Variants in MCC observed in about 807,000 individuals in gnomAD.
The protein encoded by MCC is colorectal mutant cancer protein.
A neutral mutation model predicts 116.2 loss-of-function variants in MCC; 90 were observed. That is an observed-to-expected ratio of 0.77 (90% CI 0.65 to 0.92). The LOEUF is 0.92. Ranked by LOEUF, MCC falls within the 40% of genes least tolerant of loss-of-function variation. The pLI is 0.00. For missense variants in MCC, 1,516 were observed against 1,312.2 expected, an observed-to-expected ratio of 1.16 and a Z score of -2.40; for synonymous variants, 578 against 510.5, an observed-to-expected ratio of 1.13 and a Z score of -1.78.
chr5:113,153,868 T>C (rs934589147), intron 3 of MCC, among the ~76,000 whole-genome samples: 8 of 152,238 alleles, frequency 5.3e-5, no homozygotes, highest in Non-Finnish European at 1.0e-4. Flanking sequence ...GGTTAGGATC[T>C]GGAATCCAGA....
At chr5:113,276,982 T>C (rs1378246527) in intron 3 of MCC, among the ~76,000 whole-genome samples, 1 of 151,416 alleles carries the variant, frequency 6.6e-6, no homozygotes, top group African/African-American at 2.4e-5. Flanking sequence ...CAAGGAAAAC[T>C]TGAAAAAAAT....
chr5:113,039,830 G>A (rs1286331020), intron 17 of MCC, among the ~76,000 whole-genome samples: 1 of 151,786 alleles, frequency 6.6e-6, no homozygotes, highest in African/African-American at 2.4e-5. Flanking sequence ...GGGTCCCGAG[G>A]GCGGGCTGCA....
chr5:113,032,238 C>T lies in MCC; in HGVS notation c.2757-3182G>A, dbSNP rs987715982. ...CCAGCCTGACCAACATGGAGAAACC[C>T]TGTCTCTACTAAATACAAAATTAGC... On this transcript the variant is annotated intron_variant, in intron 17 of 18. Coordinates refer to ENST00000408903, the MANE Select transcript of MCC (RefSeq NM_001085377.2). Among the ~76,000 whole-genome samples the T allele has an allele frequency of 3.3e-5, 5 of 152,116 alleles. 1 individual carries two copies. Among genetic ancestry groups the T allele is most frequent in the African/African-American group, 1.2e-4 (5 of 41,418 alleles).
intron 3 of MCC, among the ~76,000 whole-genome samples, chr5:113,309,864 C>T (rs1248279237): frequency 1.3e-5 from 2 of 151,354 alleles, no homozygotes; most frequent in African/African-American, 4.9e-5. Flanking sequence ...CTCCCTCCCT[C>T]TCGCCCTTCC....
chr5:113,477,854 A>G (rs1772275391), intron 1 of MCC, among the ~76,000 whole-genome samples: 1 of 152,230 alleles, frequency 6.6e-6, no homozygotes, highest in Non-Finnish European at 1.5e-5. Context: ...TACAGAAACC[A>G]GTACCGAACA....
chr5:113,101,524 C>T (rs982466424), intron 8 of MCC: 1 of 564,234 alleles, frequency 1.8e-6, no homozygotes, highest in South Asian at 2.2e-5. Context: ...TTTAAGATTC[C>T]AGAGAAAAGT....
intron 3 of MCC, among the ~76,000 whole-genome samples, chr5:113,153,119 C>T (rs372300288): frequency 5.3e-5 from 8 of 152,266 alleles, no homozygotes; most frequent in Admixed American, 2.0e-4. Context: ...TGGCATGTTA[C>T]GCTATTATAC....
chr5:113,077,929 A>G (rs1385794722), intron 11 of MCC, among the ~76,000 whole-genome samples: 2 of 151,670 alleles, frequency 1.3e-5, no homozygotes, highest in Non-Finnish European at 2.9e-5. Flanking sequence ...TAAAGAAGAA[A>G]AGAGATGAAT....
At position 113,078,548 on chromosome 5, in the gene MCC, A is replaced by T. The variant is rs192812400; in HGVS notation, c.1784+4312T>A. Among the ~76,000 whole-genome samples the T allele has an allele frequency of 2.0e-3, 303 of 152,280 alleles. 2 individuals carry two copies. The highest frequency in any genetic ancestry group is 7.0e-3 in the African/African-American group (290 of 41,518). ...TAATCCATCATATAAATAGAACCAAAGACAAAAACCACACGATTATCTCAA... is the reference window on the plus strand; with the variant it reads ...TAATCCATCATATAAATAGAACCAATGACAAAAACCACACGATTATCTCAA... On this transcript the variant is annotated intron_variant, in intron 11 of 18. Transcript: ENST00000408903.
chr5:113,069,592 G>T (rs143446952), intron 12 of MCC, among the ~76,000 whole-genome samples: 2,506 of 152,230 alleles, frequency 0.016, 82 homozygotes, highest in African/African-American at 0.057. Context: ...TCTTTGAGAC[G>T]GAGTCTCGCT....
Position 113,488,259 on chromosome 5 carries a change from G to A in MCC, c.156C>T (p.Asp52=). The change falls in exon 1 of 19, where the codon GAC becomes GAT. Residue 52 remains aspartate (D), a synonymous_variant. Coordinates refer to ENST00000408903, the MANE Select transcript of MCC (RefSeq NM_001085377.2). The part of the protein sequence containing the change: ...RLFQTCDGDG[D]GYISRNDLLM... ...TCCCCGCGTACCTGCTGATGTATCCGTCCCCGTCGCCGTCGCACGTCTGGA... is the reference window on the plus strand; with the variant it reads ...TCCCCGCGTACCTGCTGATGTATCCATCCCCGTCGCCGTCGCACGTCTGGA... 6.3e-7 allele frequency: 1 copy of A among 1,593,802 alleles called. No individual in the cohort carries two copies. Among genetic ancestry groups the A allele is most frequent in the Non-Finnish European group, 8.5e-7 (1 of 1,170,992 alleles).
intron 3 of MCC, among the ~76,000 whole-genome samples, chr5:113,279,476 C>G (rs1765952726): frequency 6.6e-6 from 1 of 152,124 alleles, no homozygotes; most frequent in African/African-American, 2.4e-5. Flanking sequence ...TTCATTTCTA[C>G]TGGATTAAGA....
chr5:113,329,975 A>G (rs1269017068), intron 3 of MCC, among the ~76,000 whole-genome samples: 1 of 152,226 alleles, frequency 6.6e-6, no homozygotes, highest in Non-Finnish European at 1.5e-5. Context: ...CCTCTGTCAA[A>G]CTAAATTTGG....
chr5:113,063,592 G>C (rs1753371150), intron 14 of MCC, among the ~76,000 whole-genome samples: 2 of 152,202 alleles, frequency 1.3e-5, no homozygotes, highest in African/African-American at 4.8e-5. Flanking sequence ...GCTGGGCCTT[G>C]GGACCAGAGG....
intron 1 of MCC, among the ~76,000 whole-genome samples, chr5:113,464,368 A>T (rs1379255043): frequency 6.6e-6 from 1 of 152,210 alleles, no homozygotes; most frequent in Non-Finnish European, 1.5e-5. Context: ...CTTTGAATGC[A>T]CCAGCTTCCA....
At chr5:113,349,733 C>T (rs1768220757) in intron 2 of MCC, among the ~76,000 whole-genome samples, 1 of 151,776 alleles carries the variant, frequency 6.6e-6, no homozygotes, top group Admixed American at 6.6e-5. Context: ...GGCATCCAAA[C>T]TGGAAAAGAA....
chr5:113,191,355 C>T (rs933133246), intron 3 of MCC, among the ~76,000 whole-genome samples: 15 of 152,314 alleles, frequency 9.8e-5, no homozygotes, highest in Admixed American at 8.5e-4. Context: ...GAGGTCCCCT[C>T]ACTTTTTAAC....
At chr5:113,109,894 C>T (rs1756988496) in intron 6 of MCC, among the ~76,000 whole-genome samples, 1 of 152,210 alleles carries the variant, frequency 6.6e-6, no homozygotes, top group African/African-American at 2.4e-5. Context: ...CCCTGGCCCC[C>T]ACTGCCATGC....
intron 2 of MCC, among the ~76,000 whole-genome samples, chr5:113,356,548 AC>A (rs1170235220): frequency 6.6e-6 from 1 of 152,096 alleles, no homozygotes; most frequent in Non-Finnish European, 1.5e-5. Context: ...TGTAAAACAT[AC>A]CACTGGGAAA....
Sources: gnomAD v4.1 joint callset for allele counts (sites outside exome capture counted in the v4.1 genomes callset) on GRCh38, gnomAD v4.1.1 for gene constraint, MANE v1.5 for transcripts, NCBI Gene and HGNC (gene_info 2026-07-23, HGNC 2026-07-21) for gene names.